The following SLC37A1 variants were observed in gnomAD, a reference collection of about 807,000 sequenced individuals.
SLC37A1 encodes the protein solute carrier family 37 member 1, also known as glucose-6-phosphate exchanger SLC37A1.
SLC37A1 carries 49 observed loss-of-function variants against 75.3 expected under a neutral mutation model. The observed-to-expected ratio is 0.65, with a 90% confidence interval of 0.52 to 0.83. The LOEUF (loss-of-function observed/expected upper bound fraction) is 0.83, where lower values mean the gene tolerates loss of function less well. SLC37A1 is among the 40% of genes least tolerant of loss of function. SLC37A1 has a pLI of 0.00. For synonymous variants in SLC37A1, 268 were observed against 292.1 expected, an observed-to-expected ratio of 0.92 and a Z score of 0.84; for missense variants, 566 against 695.0, an observed-to-expected ratio of 0.81 and a Z score of 2.09.
rs576159240 is a variant in SLC37A1 at position 42,543,503 on chromosome 21, G to A, written c.631G>A (p.Ala211Thr). Residue 211 changes from alanine to threonine, a missense_variant, in exon 8 of 20, where the codon GCT becomes ACT. Physicochemically the swap from Ala to Thr is moderately conservative, Grantham distance 58. Coordinates refer to ENST00000352133, the MANE Select transcript of SLC37A1 (RefSeq NM_001320537.2). ...GGGCAACATCTTGGGGTCATTGATC[G>A]CTGGCTACTGGGTGTCCACATGCTG... ...SVGNILGSLIAGYWVSTCWGL... is the reference protein window; with the variant it reads ...SVGNILGSLITGYWVSTCWGL... 16 of 1,614,180 alleles carry A rather than the reference G, an allele frequency of 9.9e-6. No individual in the cohort carries two copies. Among genetic ancestry groups the A allele is most frequent in the Admixed American group, 3.3e-5 (2 of 60,016 alleles).
intron 10 of SLC37A1, among the ~76,000 whole-genome samples, chr21:42,554,669 C>A (rs2055638088): frequency 6.6e-6 from 1 of 152,214 alleles, no homozygotes; most frequent in African/African-American, 2.4e-5. Context: ...AAGGGAGAAG[C>A]AGGTAACAGA....
intron 2 of SLC37A1, chr21:42,508,752 C>G (rs2146681918): frequency 6.6e-6 from 1 of 152,310 alleles, no homozygotes; most frequent in Middle Eastern, 3.4e-3. Flanking sequence ...CCCGTGAGCA[C>G]TCTCTCAGTT....
rs745521378 is a variant in SLC37A1, at chr21:42,547,097, T to C, written c.731-6T>C. ...TGCTCAGCCTCACTCATGTTTGCTC[T>C]TTCAGATCCGAACGACGTCAGGTGC... On this transcript the variant is annotated splice_region_variant and splice_polypyrimidine_tract_variant and intron_variant, in intron 8 of 19. Coordinates refer to ENST00000352133, the MANE Select transcript of SLC37A1 (RefSeq NM_001320537.2). This position sits in a 1 kb window ranked among gnomAD's most constrained non-coding sequence, Gnocchi z 6.1. 5 of 1,614,206 alleles carry C rather than the reference T, an allele frequency of 3.1e-6. No individual in the cohort carries two copies. The South Asian group carries it at 5.5e-5, about 18-fold the overall frequency.
chr21:42,542,652 A>C (rs1016336886), intron 7 of SLC37A1, among the ~76,000 whole-genome samples, 172 bp downstream of exon 7: 7 of 152,264 alleles, frequency 4.6e-5, no homozygotes, highest in African/African-American at 1.2e-4. Context: ...GTCCCACGAG[A>C]CAGGGGAGCT....
At chr21:42,539,863 C>G (rs1456984448) in intron 6 of SLC37A1, among the ~76,000 whole-genome samples, 1 of 152,226 alleles carries the variant, frequency 6.6e-6, no homozygotes, top group Admixed American at 6.5e-5. Flanking sequence ...GGAGTTGCCT[C>G]GTAAAAAATG....
chr21:42,522,328 C>CA (rs1213317360), intron 2 of SLC37A1, among the ~76,000 whole-genome samples: 1 of 152,136 alleles, frequency 6.6e-6, no homozygotes, highest in East Asian at 1.9e-4. Context: ...ATAAAGAAAA[C>CA]GTAGATAGAA....
intron 6 of SLC37A1, among the ~76,000 whole-genome samples, chr21:42,540,536 G>A (rs1020680308): frequency 1.3e-5 from 2 of 152,210 alleles, no homozygotes; most frequent in African/African-American, 4.8e-5. Context: ...GAACAGGAGA[G>A]ATCATGAAGG....
At chr21:42,566,428 C>A (rs2147005159) in intron 15 of SLC37A1, among the ~76,000 whole-genome samples, 1 of 152,370 alleles carries the variant, frequency 6.6e-6, no homozygotes, top group East Asian at 1.9e-4. Context: ...ATTTTGAACA[C>A]CCTGCAGGCA....
chr21:42,540,032 C>T (rs1378490524), intron 6 of SLC37A1, among the ~76,000 whole-genome samples: 1 of 142,326 alleles, frequency 7.0e-6, no homozygotes, highest in Non-Finnish European at 1.5e-5. Context: ...CTGCAGTCAC[C>T]CTAACAGCGG....
rs111503023 is a variant in SLC37A1, at chr21:42,518,645, A to G, written c.56+135A>G. ...CACTGACCTCACCCATAACCGTTGA[A>G]TTGCTTTTTGGTGGTGGAAGCCGTG... On this transcript the variant is annotated intron_variant, in intron 2 of 19. Transcript: ENST00000352133. 261 of 1,026,630 alleles carry G rather than the reference A, an allele frequency of 2.5e-4. 3 individuals carry two copies. The African/African-American group carries it at 3.6e-3, about 14-fold the overall frequency. 63.6% of individuals were successfully genotyped at this position (1,026,630 alleles called of 1,614,324 possible).
chr21:42,507,883 AC>A (rs2054398607), intron 2 of SLC37A1, among the ~76,000 whole-genome samples: 2 of 152,144 alleles, frequency 1.3e-5, no homozygotes, highest in Admixed American at 6.5e-5. Flanking sequence ...ACTAGGTCCC[AC>A]CTCCAACAGT....
intron 15 of SLC37A1, 38 bp downstream of exon 15, chr21:42,565,913 GT>G: frequency 6.3e-7 from 1 of 1,593,698 alleles, no homozygotes; most frequent in Non-Finnish European, 8.6e-7. Flanking sequence ...TTCCACACAC[GT>G]TTTTAAAGTT....
At chr21:42,557,237 T>C (rs1233000845) in intron 10 of SLC37A1, among the ~76,000 whole-genome samples, 2 of 152,224 alleles carry the variant, frequency 1.3e-5, no homozygotes, top group Non-Finnish European at 2.9e-5. Context: ...TGTGAAGTCC[T>C]GTAGCCCTCA....
rs2056402792 is a variant in SLC37A1, at chr21:42,580,419, G to A, written c.*59G>A. 6.3e-7 allele frequency: 1 copy of A among 1,584,620 alleles called. No homozygotes were observed. Among genetic ancestry groups the A allele is most frequent in the Non-Finnish European group, 8.6e-7 (1 of 1,161,304 alleles). ...CCCACCCTTCACAACTGCCTTTCAA[G>A]GACAGTTCAGACAAAGGGCCCTGCA... On this transcript the variant is annotated 3_prime_UTR_variant, in exon 20 of 20. Coordinates refer to ENST00000352133, the MANE Select transcript of SLC37A1 (RefSeq NM_001320537.2).
chr21:42,564,725 G>A lies in SLC37A1; in HGVS notation c.1153G>A (p.Val385Met), dbSNP rs762014971. Residue 385 changes from valine (V) to methionine (M), a missense_variant, in exon 14 of 20, where the codon GTG (valine) becomes ATG (methionine). Transcript: ENST00000352133. ...GGIFGGILAG[V>M]ISDRLEKRAS... ...CGTTGCAGGTGGGATCCTGGCAGGT[G>A]TGATCTCAGACCGACTGGAGAAAAG... 4 of 1,611,140 alleles carry A rather than the reference G, an allele frequency of 2.5e-6. No individual in the cohort carries two copies. The highest frequency in any genetic ancestry group is 1.1e-5 in the South Asian group (1 of 91,092).
At chr21:42,512,487 AC>A (rs1353489990), upstream of SLC37A1, among the ~76,000 whole-genome samples, 2 of 152,196 alleles carry the variant, frequency 1.3e-5, no homozygotes, top group East Asian at 3.9e-4. Context: ...CTCGAGCCGA[AC>A]CAATGGCAAG....
intron 18 of SLC37A1, 151 bp downstream of exon 18, chr21:42,575,066 CCTT>C (rs2056276760): frequency 7.0e-7 from 1 of 1,422,990 alleles, no homozygotes; most frequent in Non-Finnish European, 9.2e-7. Flanking sequence ...GTCTAAAGCT[CCTT>C]CTCTCTCTGA....
chr21:42,506,531 T>C (rs1449852226), intron 2 of SLC37A1, among the ~76,000 whole-genome samples: 1 of 152,230 alleles, frequency 6.6e-6, no homozygotes, highest in Non-Finnish European at 1.5e-5. Context: ...TTATTGAATG[T>C]CTCCTGTGTG....
rs2055389449 is a variant in SLC37A1 at position 42,545,665 on chromosome 21, G to C, written c.731-1438G>C. ...GTCCCTGAAGGTGAAAGTCCAGGAAGAGCCATATCAGGGGAAGCCCCTGGC... is the reference window on the plus strand; with the variant it reads ...GTCCCTGAAGGTGAAAGTCCAGGAACAGCCATATCAGGGGAAGCCCCTGGC... On this transcript the variant is annotated intron_variant, in intron 8 of 19. Transcript: ENST00000352133. This position sits in a 1 kb window ranked among gnomAD's most constrained non-coding sequence, Gnocchi z 4.0. Among the ~76,000 whole-genome samples, 1 of 152,260 alleles carries C rather than the reference G, an allele frequency of 6.6e-6. No homozygotes were observed. The highest frequency in any genetic ancestry group is 1.5e-5 in the Non-Finnish European group (1 of 68,042).
Sources: gnomAD v4.1 joint callset for allele counts (sites outside exome capture counted in the v4.1 genomes callset) on GRCh38, gnomAD v4.1.1 for gene constraint, Gnocchi (gnomAD v3.1) non-coding constraint, MANE v1.5 for transcripts, NCBI Gene and HGNC (gene_info 2026-07-23, HGNC 2026-07-21) for gene names.